The following FAAH2 variants were observed in gnomAD, a reference collection of about 807,000 sequenced individuals.
FAAH2 encodes fatty acid amide hydrolase 2.
FAAH2 carries 60 observed loss-of-function variants against 36.9 expected under a neutral mutation model. That is an observed-to-expected ratio of 1.63 (90% CI 1.32 to 2.02). FAAH2 has a LOEUF of 2.02. FAAH2 is among the 30% of genes most tolerant of loss of function. The pLI, the probability that FAAH2 is intolerant of heterozygous loss-of-function variation, is 0.00. For missense variants in FAAH2, 689 were observed against 397.5 expected, an observed-to-expected ratio of 1.73 and a Z score of -6.23; for synonymous variants, 214 against 143.8, an observed-to-expected ratio of 1.49 and a Z score of -3.49.
chrX:57,276,819 A>G, the FAAH2 span, among the ~76,000 whole-genome samples: 2 of 112,207 alleles, frequency 1.8e-5, no homozygotes, highest in Middle Eastern at 4.2e-3. Flanking sequence ...AAAGTAGAAA[A>G]TCTAGAAGAA....
the FAAH2 span, among the ~76,000 whole-genome samples, chrX:57,196,772 T>C: frequency 8.1e-5 from 9 of 111,465 alleles, no homozygotes; most frequent in Admixed American, 7.6e-4. Flanking sequence ...TTAAAAAAAT[T>C]TGGGTACCTG....
chrX:57,367,422 C>T (rs928932811), intron 5 of FAAH2, among the ~76,000 whole-genome samples: 2 of 112,282 alleles, frequency 1.8e-5, no homozygotes, highest in Admixed American at 1.9e-4. Context: ...TACTGCTACA[C>T]ACTGTTAGTA....
At chrX:57,222,819 C>T in the FAAH2 span, among the ~76,000 whole-genome samples, 1 of 111,647 alleles carries the variant, frequency 9.0e-6, no homozygotes, top group Admixed American at 9.5e-5. Flanking sequence ...CCAAACCTAA[C>T]AGAACAACCC....
the FAAH2 span, among the ~76,000 whole-genome samples, chrX:57,280,787 A>G: frequency 8.9e-6 from 1 of 112,533 alleles, no homozygotes; most frequent in Admixed American, 9.4e-5. Flanking sequence ...TTATTCAATA[A>G]TAACCAAAAG....
the FAAH2 span, among the ~76,000 whole-genome samples, chrX:57,181,698 T>A: frequency 0.018 from 2,053 of 111,739 alleles, 22 homozygotes; most frequent in Non-Finnish European, 0.031. Flanking sequence ...AAACTACCAA[T>A]GACATTCTTC....
intron 1 of FAAH2, among the ~76,000 whole-genome samples, chrX:57,289,697 T>TA (rs2051920126): frequency 1.8e-5 from 2 of 111,401 alleles, no homozygotes; most frequent in Admixed American, 9.6e-5. Flanking sequence ...AGATAAGTAA[T>TA]AAAAAATAAG....
intron 2 of FAAH2, among the ~76,000 whole-genome samples, chrX:57,306,541 G>C (rs4607761): frequency 0.36 from 38,924 of 107,624 alleles, 6,205 homozygotes; most frequent in Middle Eastern, 0.61. Context: ...AAACGTAGGA[G>C]ATTTGTGGGC....
intron 4 of FAAH2, among the ~76,000 whole-genome samples, chrX:57,339,638 A>G (rs1411977973): frequency 8.9e-6 from 1 of 112,555 alleles, no homozygotes; most frequent in Non-Finnish European, 1.9e-5. Context: ...GCAGCCAACA[A>G]ACATTAAAAA....
chrX:57,312,337 G>A (rs1233303808), intron 3 of FAAH2, among the ~76,000 whole-genome samples: 1 of 111,905 alleles, frequency 8.9e-6, no homozygotes, highest in Non-Finnish European at 1.9e-5. Context: ...CGGCTAATAT[G>A]TGCACCTGTG....
intron 10 of FAAH2, among the ~76,000 whole-genome samples, chrX:57,471,673 T>C (rs1370952166): frequency 8.9e-6 from 1 of 111,787 alleles, no homozygotes; most frequent in Non-Finnish European, 1.9e-5. Context: ...CTGCCCAAGG[T>C]AATTTATAGA....
the FAAH2 span, among the ~76,000 whole-genome samples, chrX:57,203,367 C>T: frequency 2.9e-4 from 32 of 112,003 alleles, no homozygotes; most frequent in African/African-American, 8.8e-4. Context: ...CAGTTTTCTG[C>T]CCTGGGTGGG....
Position 57,293,672 on chromosome X carries a change from A to C in FAAH2, c.275+1092A>C, listed in dbSNP as rs75810335. ...CATTTGAGAGAGATTCTATTATTTA[A>C]ATTTTCTGTTGCCTTTTAAAAAGGA... On this transcript the variant is annotated intron_variant, in intron 2 of 10. Transcript: ENST00000374900. 4.4e-3 allele frequency among the ~76,000 whole-genome samples: 490 copies of C among 111,671 alleles called. 24 individuals are homozygous for C. The East Asian group carries it at 0.11, about 25-fold the overall frequency.
chrX:57,487,839 A>T (rs908379323), intron 10 of FAAH2, among the ~76,000 whole-genome samples: 4 of 112,283 alleles, frequency 3.6e-5, no homozygotes, highest in Non-Finnish European at 7.5e-5. Flanking sequence ...ATGTGTAATT[A>T]TATTGCTGAT....
chrX:57,404,786 G>A lies in FAAH2; in HGVS notation c.996+23757G>A, dbSNP rs373746072. 2.2e-3 allele frequency among the ~76,000 whole-genome samples: 248 copies of A among 112,038 alleles called. 1 individual carries two copies. The highest frequency in any genetic ancestry group is 3.9e-3 in the Non-Finnish European group (205 of 53,167). ...TTGGGGCTACTCTTTCAGGAAAGTC[G>A]TGGTCCAGACCCAGGAGGTATGGGT... On this transcript the variant is annotated intron_variant, in intron 7 of 10. Transcript: ENST00000374900.
chrX:57,338,175 G>T (rs927802543), intron 4 of FAAH2, among the ~76,000 whole-genome samples: 1 of 111,532 alleles, frequency 9.0e-6, no homozygotes, highest in African/African-American at 3.3e-5. Context: ...AGCAAAGGGA[G>T]ATAGGTGTGG....
the FAAH2 span, among the ~76,000 whole-genome samples, chrX:57,279,462 G>T: frequency 1.8e-5 from 2 of 111,804 alleles, no homozygotes; most frequent in Admixed American, 9.5e-5. Flanking sequence ...GGGACTGGGG[G>T]ACTAGGTGAG....
intron 4 of FAAH2, among the ~76,000 whole-genome samples, chrX:57,335,031 A>G (rs2053508619): frequency 8.9e-6 from 1 of 111,838 alleles, no homozygotes; most frequent in Non-Finnish European, 1.9e-5. Flanking sequence ...CTCCACCCCC[A>G]AACAATAGAA....
At chrX:57,467,233 G>A (rs1014907461) in intron 10 of FAAH2, among the ~76,000 whole-genome samples, 21 of 111,229 alleles carry the variant, frequency 1.9e-4, no homozygotes, top group Non-Finnish European at 1.7e-4. Flanking sequence ...CATCTCACTG[G>A]GGAGTGTTGG....
At chrX:57,355,393 G>A (rs1392948252) in intron 5 of FAAH2, among the ~76,000 whole-genome samples, 1 of 110,910 alleles carries the variant, frequency 9.0e-6, no homozygotes, top group East Asian at 2.8e-4. Context: ...GTCAACCCAT[G>A]AGAATAAAAC....
Sources: gnomAD v4.1 joint callset for allele counts (sites outside exome capture counted in the v4.1 genomes callset) on GRCh38, gnomAD v4.1.1 for gene constraint, MANE v1.5 for transcripts, NCBI Gene and HGNC (gene_info 2026-07-23, HGNC 2026-07-21) for gene names.